The following LTBP1 variants were observed in gnomAD, a reference collection of about 807,000 sequenced individuals.
LTBP1 encodes latent transforming growth factor beta binding protein 1, also known as latent-transforming growth factor beta-binding protein 1.
Under a neutral mutation model 207.6 loss-of-function variants are expected in LTBP1, and 129 were observed. That is an observed-to-expected ratio of 0.62 (90% CI 0.54 to 0.72). LTBP1 has a LOEUF of 0.72. Among genes scored for constraint, LTBP1 ranks in the 30% least tolerant of loss-of-function variants. The probability of loss-of-function intolerance (pLI) is 0.00; values close to 1 mark genes in which losing one functional copy is unlikely to be tolerated. For synonymous variants in LTBP1, 963 were observed against 833.7 expected (o/e 1.16, Z -2.67); for missense variants, 2,281 against 2,217.2 (o/e 1.03, Z -0.58).
At chr2:33,029,087 G>A (rs184226808) in intron 3 of LTBP1, among the ~76,000 whole-genome samples, 35 of 152,356 alleles carry the variant, frequency 2.3e-4, no homozygotes, top group Non-Finnish European at 4.8e-4. Context: ...CAGTTCTAGA[G>A]TAGTGTGAGT....
At chr2:33,222,365 T>C (rs1212233609) in intron 9 of LTBP1, among the ~76,000 whole-genome samples, 1 of 152,236 alleles carries the variant, frequency 6.6e-6, no homozygotes, top group African/African-American at 2.4e-5. Context: ...AAGTTTTTAA[T>C]CTAAAAGAGT....
intron 4 of LTBP1, among the ~76,000 whole-genome samples, chr2:33,123,937 A>C (rs1004025932): frequency 6.6e-6 from 1 of 152,266 alleles, no homozygotes; most frequent in Non-Finnish European, 1.5e-5. Flanking sequence ...ATTGAAAAAA[A>C]GTACCACTTT....
chr2:33,081,568 G>C (rs1206019693), intron 3 of LTBP1, among the ~76,000 whole-genome samples: 1 of 152,176 alleles, frequency 6.6e-6, no homozygotes, highest in East Asian at 1.9e-4. Context: ...AATGTTGAAA[G>C]GACCTGGATT....
chr2:33,265,972 T>C (rs1038711897), intron 15 of LTBP1, among the ~76,000 whole-genome samples: 3 of 152,226 alleles, frequency 2.0e-5, no homozygotes, highest in African/African-American at 7.2e-5. Flanking sequence ...TGTTAAGCTT[T>C]TGGCCACTTA....
At chr2:33,092,186 C>T (rs1308066272) in intron 3 of LTBP1, among the ~76,000 whole-genome samples, 9 of 144,550 alleles carry the variant, frequency 6.2e-5, no homozygotes, top group Non-Finnish European at 1.1e-4. Context: ...CATGCACACA[C>T]ACACACACGC....
chr2:33,252,081 C>G (rs2092701941), intron 10 of LTBP1, among the ~76,000 whole-genome samples: 1 of 152,200 alleles, frequency 6.6e-6, no homozygotes, highest in Non-Finnish European at 1.5e-5. Flanking sequence ...TCTCTTCCTT[C>G]TCTGGTGTAC....
At chr2:32,959,707 G>A (rs1394825614) in intron 2 of LTBP1, among the ~76,000 whole-genome samples, 1 of 144,670 alleles carries the variant, frequency 6.9e-6, no homozygotes, top group Non-Finnish European at 1.5e-5. Flanking sequence ...GGCAGCCTCC[G>A]CCTCTTGGGT....
At chr2:33,301,673 TA>T in intron 22 of LTBP1, 29 bp downstream of exon 22, 1 of 1,551,414 alleles carries the variant, frequency 6.4e-7, no homozygotes, top group Admixed American at 2.1e-5. Flanking sequence ...TTCAGAATCA[TA>T]AAATGCCCAG....
intron 31 of LTBP1, among the ~76,000 whole-genome samples, chr2:33,366,777 G>T (rs1246431719): frequency 6.6e-6 from 1 of 152,208 alleles, no homozygotes; most frequent in East Asian, 1.9e-4. Context: ...TTTACTGGTT[G>T]TTTCGGGCCC....
rs1486584079 is a variant in LTBP1, at chr2:33,069,918, CTGT to C, written c.864-40661_864-40659del. Among the ~76,000 whole-genome samples the C allele has an allele frequency of 8.5e-5, 13 of 152,308 alleles. No homozygotes were observed. In the East Asian group the frequency reaches 2.5e-3, roughly 29 times the overall value. ...GAGGGAGACCCTGTGGGTACTTGGT[CTGT>C]TGATCCTGTTGAAAAGTGAGCATAG... is the stretch of plus-strand genomic sequence containing the variant. On this transcript the variant is annotated intron_variant, in intron 3 of 33. Transcript: ENST00000404816.
chr2:33,270,079 G>A (rs918579756), intron 15 of LTBP1, among the ~76,000 whole-genome samples: 1 of 151,312 alleles, frequency 6.6e-6, no homozygotes, highest in South Asian at 2.1e-4. Context: ...ACCACACCTG[G>A]CTAATTTTTT....
At chr2:33,239,497 G>A (rs1353348025) in intron 9 of LTBP1, among the ~76,000 whole-genome samples, 1 of 152,132 alleles carries the variant, frequency 6.6e-6, no homozygotes, top group African/African-American at 2.4e-5. Context: ...CATCTATAGA[G>A]GGAGAACAAG....
chr2:33,396,028 G>A (rs1321333841), intron 32 of LTBP1, among the ~76,000 whole-genome samples: 1 of 151,824 alleles, frequency 6.6e-6, no homozygotes, highest in African/African-American at 2.4e-5. Flanking sequence ...TGCAAAATGA[G>A]AGCTAAACAC....
At chr2:33,190,355 T>C (rs910730031) in intron 7 of LTBP1, among the ~76,000 whole-genome samples, 3 of 152,194 alleles carry the variant, frequency 2.0e-5, no homozygotes, top group Non-Finnish European at 4.4e-5. Flanking sequence ...TGTGTGTATA[T>C]GCGCATGAAA....
At chr2:33,144,819 A>G (rs1027838572) in intron 5 of LTBP1, among the ~76,000 whole-genome samples, 1 of 152,216 alleles carries the variant, frequency 6.6e-6, no homozygotes, top group African/African-American at 2.4e-5. Flanking sequence ...AGGTGTGTAT[A>G]TGGGTGTATG....
intron 2 of LTBP1, among the ~76,000 whole-genome samples, chr2:32,993,409 A>G (rs1434330251): frequency 6.6e-6 from 1 of 152,196 alleles, no homozygotes; most frequent in Non-Finnish European, 1.5e-5. Flanking sequence ...ATACACACAC[A>G]TATGCACACA....
chr2:33,323,012 A>G (rs1175394124), intron 24 of LTBP1, among the ~76,000 whole-genome samples: 1 of 152,138 alleles, frequency 6.6e-6, no homozygotes, highest in Non-Finnish European at 1.5e-5. Context: ...TGTATTTTTT[A>G]CAGCTCTGTA....
At chr2:33,319,642 G>T (rs1308795611) in intron 24 of LTBP1, among the ~76,000 whole-genome samples, 3 of 152,126 alleles carry the variant, frequency 2.0e-5, no homozygotes, top group African/African-American at 7.2e-5. Flanking sequence ...CGCTCTCCCA[G>T]TCGTGTGCCC....
chr2:33,101,957 C>T (rs995970254), intron 3 of LTBP1, among the ~76,000 whole-genome samples: 1 of 152,068 alleles, frequency 6.6e-6, no homozygotes, highest in Non-Finnish European at 1.5e-5. Context: ...AGGATATCTG[C>T]TTTTTTTAGC....
Sources: gnomAD v4.1 joint callset for allele counts (sites outside exome capture counted in the v4.1 genomes callset) on GRCh38, gnomAD v4.1.1 for gene constraint, MANE v1.5 for transcripts, NCBI Gene and HGNC (gene_info 2026-07-23, HGNC 2026-07-21) for gene names.